The following WRAP53 variants were observed in gnomAD, a reference collection of about 807,000 sequenced individuals.
WRAP53 encodes the protein telomerase Cajal body protein 1.
WRAP53 carries 28 observed loss-of-function variants against 56.6 expected under a neutral mutation model. The observed-to-expected ratio is 0.50, with a 90% CI of 0.37 to 0.68. WRAP53 has a LOEUF of 0.68. Among genes scored for constraint, WRAP53 ranks in the 30% least tolerant of loss-of-function variants. WRAP53 has a pLI of 0.00. For synonymous variants in WRAP53, 283 were observed against 283.4 expected (o/e 1.00, Z 0.01); for missense variants, 671 against 715.5 (o/e 0.94, Z 0.71).
upstream of WRAP53, chr17:7,687,709 G>A (rs1772934733): frequency 2.5e-6 from 1 of 397,678 alleles, no homozygotes; most frequent in South Asian, 1.4e-4. Flanking sequence ...ACATTTTGGG[G>A]TGGAAAATTC....
rs201340741 is a variant in WRAP53 at position 7,689,043 on chromosome 17, C to A, written c.395C>A (p.Thr132Asn). The A allele has an allele frequency of 1.2e-4, 193 of 1,613,986 alleles. No individual in the cohort carries two copies. Among genetic ancestry groups the A allele is most frequent in the Middle Eastern group, 1.6e-4 (1 of 6,084 alleles). The change falls in exon 2 of 11, where the codon ACC becomes AAC. Residue 132 changes from threonine (T) to asparagine (N), a missense_variant. Around this residue, in one of 3 missense-constraint regions of WRAP53, gnomAD observed 406 missense variants for 418.5 expected, o/e 0.97. Coordinates refer to ENST00000396463, the MANE Select transcript of WRAP53 (RefSeq NM_001143992.2). ...GGGTCTGGAAAAGCCATGGAAGATA[C>A]CTCTGGGGAACCCGCTGCAGAGGAC... ...ELGSGKAMEDTSGEPAAEDEG... is the reference protein window; with the variant it reads ...ELGSGKAMEDNSGEPAAEDEG...
At chr17:7,700,911 G>A (rs1358754925) in intron 5 of WRAP53, 82 bp downstream of exon 5, 3 of 1,071,532 alleles carry the variant, frequency 2.8e-6, no homozygotes, top group African/African-American at 3.1e-5. Flanking sequence ...GGGCTGCCAG[G>A]GGTCTTTGGA....
chr17:7,694,182 A>C (rs772472680), intron 4 of WRAP53, among the ~76,000 whole-genome samples: 28 of 152,256 alleles, frequency 1.8e-4, no homozygotes, highest in Non-Finnish European at 2.5e-4. Flanking sequence ...TATAATATTA[A>C]AACATTTTAA....
In WRAP53 at chr17:7,701,144, G is replaced by A. The variant is rs1297224939; in HGVS notation, c.731+315G>A. 6.6e-6 allele frequency among the ~76,000 whole-genome samples: 1 copy of A among 152,096 alleles called. No individual in the cohort carries two copies. Among genetic ancestry groups the A allele is most frequent in the Non-Finnish European group, 1.5e-5 (1 of 68,022 alleles). On this transcript the variant is annotated intron_variant, in intron 5 of 10. Transcript: ENST00000396463. The surrounding 1 kb of genome is among the most constrained non-coding windows in gnomAD (Gnocchi z 4.2). ...TGCACCACCACACCCAGCTAATTGT[G>A]TATTTTTCATAGAGATGGGGTTTCA... is the stretch of plus-strand genomic sequence containing the variant.
rs756267223 is a variant in WRAP53, at chr17:7,690,098, G to A, written c.642+397G>A. ...CAAGTAGCTGGTATTACAGGCGCAC[G>A]CCATCACACTCGACTAATTTTTATA... On this transcript the variant is annotated intron_variant, in intron 4 of 10. Transcript: ENST00000396463. Among the ~76,000 whole-genome samples, 4 of 152,136 alleles carry A rather than the reference G, an allele frequency of 2.6e-5. No homozygotes were observed. The East Asian group carries it at 5.8e-4, about 22-fold the overall frequency.
At position 7,701,724 on chromosome 17, in the gene WRAP53, A is replaced by G; in HGVS notation, c.890A>G (p.Asn297Ser). ...PDGSQLFCGF[N>S]RTVRVFSTAR... ...GGCTCCCAGCTCTTCTGTGGCTTCA[A>G]CCGGACTGTGCGTGTTTTTTCCACG... is the stretch of plus-strand genomic sequence containing the variant. Residue 297 changes from asparagine (N) to serine (S), a missense_variant, in exon 7 of 11, where the codon AAC becomes AGC. By Grantham distance (46) the Asn-to-Ser change is conservative (BLOSUM62 1). Coordinates refer to ENST00000396463, the MANE Select transcript of WRAP53 (RefSeq NM_001143992.2). The surrounding 1 kb of genome is among the most constrained non-coding windows in gnomAD (Gnocchi z 4.2). The G allele has an allele frequency of 1.2e-6, 2 of 1,614,062 alleles. No homozygotes were observed. Among genetic ancestry groups the G allele is most frequent in the African/African-American group, 1.3e-5 (1 of 74,978 alleles).
chr17:7,703,184 C>G (rs949154640), intron 10 of WRAP53, 57 bp downstream of exon 10: 8 of 1,613,244 alleles, frequency 5.0e-6, no homozygotes, highest in South Asian at 1.1e-5. Context: ...AGGTGAATCC[C>G]AGAGGGAGCA....
chr17:7,687,658 G>A (rs1277483929), upstream of WRAP53: 4 of 398,532 alleles, frequency 1.0e-5, no homozygotes, highest in Non-Finnish European at 1.8e-5. Context: ...GGAGGAGGGT[G>A]CAGAGTCAGG....
In WRAP53 at chr17:7,699,436, AAATTTATATATATATATAT is replaced by A. The variant is rs1195327526; in HGVS notation, c.643-1303_643-1285del. 1.8e-3 allele frequency among the ~76,000 whole-genome samples: 187 copies of A among 103,108 alleles called. 4 individuals carry two copies. In the East Asian group the frequency reaches 0.035, roughly 19 times the overall value. The allele number at this position is 103,108 out of a possible 152,430, so 67.6% of individuals were successfully genotyped here. On this transcript the variant is annotated intron_variant, in intron 4 of 10. Transcript: ENST00000396463. Reference sequence around the variant, plus strand: ...CTCTGCCTTTAAAATTAAAAAAAAAAAATTTATATATATATATATATTTATATATATATATATATTTATA... The same window carrying A: ...CTCTGCCTTTAAAATTAAAAAAAAAAATTTATATATATATATATATTTATA...
chr17:7,686,113 C>CCGGAGGGCTGCA (rs2073952507), upstream of WRAP53: 1 of 152,218 alleles, frequency 6.6e-6, no homozygotes, highest in Non-Finnish European at 1.5e-5. Flanking sequence ...CCGGCTCGGG[C>CCGGAGGGCTGCA]CGGAGGGCTG....
chr17:7,702,364 G>A lies in WRAP53; in HGVS notation c.976G>A (p.Gly326Ser), dbSNP rs758704444. The change falls in exon 8 of 11, where the codon GGC (glycine) becomes AGC (serine). Residue 326 changes from glycine (G) to serine (S), a missense_variant. Physicochemically the swap from Gly to Ser is moderately conservative, Grantham distance 56 (BLOSUM62 0). This residue lies in a region of WRAP53 where 406 missense variants were observed against 418.5 expected (regional missense o/e 0.97). Transcript: ENST00000396463. The surrounding 1 kb of genome is among the most constrained non-coding windows in gnomAD (Gnocchi z 5.0). ...ATFAKKQGQSGIISCIAFSPA... is the reference protein window; with the variant it reads ...ATFAKKQGQSSIISCIAFSPA... ...TCTAGCAAAAAAGCAGGGCCAGAGC[G>A]GCATCATCTCCTGCATAGCCTTCAG... 2.6e-5 allele frequency: 42 copies of A among 1,613,960 alleles called. No homozygotes were observed. Among genetic ancestry groups the A allele is most frequent in the East Asian group, 1.6e-4 (7 of 44,874 alleles).
intron 4 of WRAP53, among the ~76,000 whole-genome samples, chr17:7,692,391 A>G (rs1279811679): frequency 7.2e-6 from 1 of 138,954 alleles, no homozygotes; most frequent in African/African-American, 2.7e-5. Context: ...AGGCTGAGGC[A>G]GGTGGATCAC....
chr17:7,702,670 C>A lies in WRAP53; in HGVS notation c.1165-73C>A. ...GAAAAAATCCCAAGCTGAAGGAGTG[C>A]CTGGAGACCCCGAGGGAGGCAGGGA... On this transcript the variant is annotated intron_variant, in intron 8 of 10. Coordinates refer to ENST00000396463, the MANE Select transcript of WRAP53 (RefSeq NM_001143992.2). This position sits in a 1 kb window ranked among gnomAD's most constrained non-coding sequence, Gnocchi z 5.0. 6.3e-7 allele frequency: 1 copy of A among 1,597,998 alleles called. No individual in the cohort carries two copies. Among genetic ancestry groups the A allele is most frequent in the Non-Finnish European group, 8.5e-7 (1 of 1,172,982 alleles).
intron 4 of WRAP53, among the ~76,000 whole-genome samples, chr17:7,699,440 T>TTA (rs1219472741): frequency 9.2e-4 from 67 of 72,590 alleles, no homozygotes; most frequent in East Asian, 1.3e-3. Context: ...AAAAAAAAAT[T>TTA]TATATATATA....
At position 7,703,033 on chromosome 17, in the gene WRAP53, GTC is replaced by G. The variant is rs1567580809; in HGVS notation, c.1313_1314del (p.Ser438CysfsTer10). 4 of 1,614,130 alleles carry G rather than the reference GTC, an allele frequency of 2.5e-6. No individual in the cohort carries two copies. Among genetic ancestry groups the G allele is most frequent in the Admixed American group, 1.7e-5 (1 of 60,018 alleles). ...AGTGAGTGGCAGCACGAGCGGGGCT[GTC>G]TCTGTGTGGGACACGGACGGGCCTG... is the stretch of plus-strand genomic sequence containing the variant. The part of the protein sequence containing the change: ...FLVSGSTSGA[V>X]SVWDTDGPGN... On this transcript the variant is annotated frameshift_variant, in exon 10 of 11. Coordinates refer to ENST00000396463, the MANE Select transcript of WRAP53 (RefSeq NM_001143992.2). LOFTEE classifies it high-confidence loss of function.
At position 7,702,228 on chromosome 17, in the gene WRAP53, G is replaced by A. The variant is rs903442504; in HGVS notation, c.956-116G>A. The A allele has an allele frequency of 1.4e-5, 15 of 1,092,266 alleles. No individual in the cohort carries two copies. The highest frequency in any genetic ancestry group is 2.1e-5 in the Non-Finnish European group (15 of 722,362). 67.7% of individuals were successfully genotyped at this position (1,092,266 alleles called of 1,614,324 possible). A position where few individuals can be genotyped will look rare whatever the true frequency, so the allele number is the denominator to read the frequency against. ...TTGTCCTGCTTGTGACAGACAGCATGGGGGGGATGTTGAGTCCAAGCATGT... is the reference window on the plus strand; with the variant it reads ...TTGTCCTGCTTGTGACAGACAGCATAGGGGGGATGTTGAGTCCAAGCATGT... On this transcript the variant is annotated intron_variant, in intron 7 of 10. Transcript: ENST00000396463. This position sits in a 1 kb window ranked among gnomAD's most constrained non-coding sequence, Gnocchi z 5.0.
At chr17:7,699,890 A>G (rs1445953612) in intron 4 of WRAP53, among the ~76,000 whole-genome samples, 1 of 150,732 alleles carries the variant, frequency 6.6e-6, no homozygotes, top group African/African-American at 2.4e-5. Flanking sequence ...ATGCACTACC[A>G]TGCCCAGCTA....
At chr17:7,700,904 C>A in intron 5 of WRAP53, 75 bp downstream of exon 5, 1 of 1,113,388 alleles carries the variant, frequency 9.0e-7, no homozygotes, top group Non-Finnish European at 1.4e-6. Context: ...GAGTCAAGGG[C>A]TGCCAGGGGT....
At chr17:7,689,420 A>G in intron 3 of WRAP53, 98 bp downstream of exon 3, 1 of 1,323,444 alleles carries the variant, frequency 7.6e-7, no homozygotes, top group Non-Finnish European at 1.1e-6. Context: ...AGCTGGGAGA[A>G]GCGGCACGTA....
Sources: gnomAD v4.1 joint callset for allele counts (sites outside exome capture counted in the v4.1 genomes callset) on GRCh38, gnomAD v4.1.1 for gene constraint, gnomAD v4.1.1 regional missense constraint, Gnocchi (gnomAD v3.1) non-coding constraint, MANE v1.5 for transcripts, NCBI Gene and HGNC (gene_info 2026-07-23, HGNC 2026-07-21) for gene names.